SLC17A2: variants seen among roughly 807,000 people sequenced by gnomAD.
SLC17A2 encodes the protein sodium-dependent phosphate transport protein 3.
Under a neutral mutation model 52.1 loss-of-function variants are expected in SLC17A2, and 38 were observed. That is an observed-to-expected ratio of 0.73 (90% CI 0.56 to 0.96). The LOEUF (loss-of-function observed/expected upper bound fraction) is 0.96, where lower values mean the gene tolerates loss of function less well. SLC17A2 is among the 40% of genes least tolerant of loss of function. SLC17A2 has a pLI of 0.00. For missense variants in SLC17A2, 508 were observed against 583.9 expected (o/e 0.87, Z 1.34); for synonymous variants, 226 against 211.9 (o/e 1.07, Z -0.58).
intron 3 of SLC17A2, among the ~76,000 whole-genome samples, chr6:25,921,613 T>C (rs1766564013): frequency 6.6e-6 from 1 of 151,970 alleles, no homozygotes; most frequent in Non-Finnish European, 1.5e-5. Context: ...ACAGAAGAAA[T>C]GAAGAAAAGA....
At chr6:25,927,254 G>T (rs1158168818) in intron 1 of SLC17A2, among the ~76,000 whole-genome samples, 1 of 152,294 alleles carries the variant, frequency 6.6e-6, no homozygotes, top group Non-Finnish European at 1.5e-5. Flanking sequence ...ATCCTTTGTA[G>T]TATTACTCAT....
intron 5 of SLC17A2, among the ~76,000 whole-genome samples, chr6:25,920,145 G>A (rs1312510913): frequency 1.3e-5 from 2 of 152,190 alleles, no homozygotes; most frequent in African/African-American, 2.4e-5. Flanking sequence ...AGAGGAGATG[G>A]TTACAACTAT....
Position 25,928,365 on chromosome 6 carries a change from T to G in SLC17A2, c.-84+1912A>C, listed in dbSNP as rs116189410. On this transcript the variant is annotated intron_variant, in intron 1 of 11. Transcript: ENST00000377850. ...TTTATTCTAGAAGGAAGTTTGATAA[T>G]GAAAAATACTTTTAGGTTGAGCTTT... 2.6e-3 allele frequency among the ~76,000 whole-genome samples: 398 copies of G among 152,272 alleles called. 2 individuals carry two copies. Among genetic ancestry groups the G allele is most frequent in the East Asian group, 0.011 (56 of 5,182 alleles).
chr6:25,919,511 T>C (rs1766458756), intron 5 of SLC17A2, among the ~76,000 whole-genome samples: 1 of 151,314 alleles, frequency 6.6e-6, no homozygotes, highest in South Asian at 2.1e-4. Context: ...ATTGAGACCA[T>C]CCTGGCTTGA....
At chr6:25,921,890 T>A (rs931623602) in intron 3 of SLC17A2, among the ~76,000 whole-genome samples, 3 of 152,132 alleles carry the variant, frequency 2.0e-5, no homozygotes, top group Non-Finnish European at 2.9e-5. Flanking sequence ...AAAACACATA[T>A]TACAAATGAA....
intron 11 of SLC17A2, among the ~76,000 whole-genome samples, chr6:25,914,238 T>C (rs1766213792): frequency 6.6e-6 from 1 of 152,226 alleles, no homozygotes; most frequent in Admixed American, 6.5e-5. Flanking sequence ...TTCTTCATGA[T>C]CTTCTTTTGC....
chr6:25,913,098 C>A lies in SLC17A2; in HGVS notation c.*219G>T. 3.9e-6 allele frequency: 2 copies of A among 512,844 alleles called. No homozygotes were observed. Among genetic ancestry groups the A allele is most frequent in the Non-Finnish European group, 7.0e-6 (2 of 285,990 alleles). 31.8% of individuals were successfully genotyped at this position (512,844 alleles called of 1,614,324 possible). A position where few individuals can be genotyped will look rare whatever the true frequency, so the allele number is the denominator to read the frequency against. On this transcript the variant is annotated 3_prime_UTR_variant, in exon 12 of 12. Transcript: ENST00000377850. ...CATGCTAGAAACCTCTAAGGAGTAT[C>A]TAAAAATTAGTAGTATCTGGGTTCC... is the stretch of plus-strand genomic sequence containing the variant.
rs373357115 is a variant in SLC17A2 at position 25,925,823 on chromosome 6, G to C, written c.-27C>G. On this transcript the variant is annotated 5_prime_UTR_variant, in exon 2 of 12. Coordinates refer to ENST00000377850, the MANE Select transcript of SLC17A2 (RefSeq NM_001286123.3). ...TAGCTTCTGTGGGAAATGGTACCAC[G>C]CTTTGTGGTGGAGTTTCCCTGTGCC... The C allele has an allele frequency of 2.5e-6, 4 of 1,612,860 alleles. No homozygotes were observed. In the South Asian group the frequency reaches 4.4e-5, roughly 18 times the overall value.
intron 1 of SLC17A2, 70 bp from the exon 2 acceptor site, chr6:25,925,949 G>T: frequency 1.2e-6 from 1 of 811,578 alleles, no homozygotes; most frequent in Non-Finnish European, 2.1e-6. Flanking sequence ...CCTCCTCTTA[G>T]CATCAGTAAA....
chr6:25,918,937 A>G (rs1766432406), intron 5 of SLC17A2, among the ~76,000 whole-genome samples: 1 of 152,222 alleles, frequency 6.6e-6, no homozygotes, highest in Non-Finnish European at 1.5e-5. Flanking sequence ...TGAAAGACTT[A>G]CAAAAATCGG....
rs1410357171 is a variant in SLC17A2, at chr6:25,925,733, A to G, written c.28+36T>C. The G allele has an allele frequency of 3.8e-6, 6 of 1,598,264 alleles. No homozygotes were observed. The South Asian group carries it at 5.5e-5, about 15-fold the overall frequency. ...AATGTGTCGGAATAAGCTTCAGCTT[A>G]TTAACATAGCCTGCAAACAAGAGCA... On this transcript the variant is annotated intron_variant, in intron 2 of 11. Transcript: ENST00000377850.
At chr6:25,918,611 C>T in intron 5 of SLC17A2, 38 bp from the exon 6 acceptor site, 1 of 1,451,152 alleles carries the variant, frequency 6.9e-7, no homozygotes, top group Non-Finnish European at 9.7e-7. Context: ...ATGAAAATAT[C>T]AAAGGCTGAG....
In SLC17A2 at chr6:25,923,910, GACA is replaced by G. The variant is rs1289381949; in HGVS notation, c.29-7_29-5del. The G allele has an allele frequency of 1.2e-6, 2 of 1,612,502 alleles. No homozygotes were observed. Among genetic ancestry groups the G allele is most frequent in the Non-Finnish European group, 1.7e-6 (2 of 1,179,018 alleles). On this transcript the variant is annotated splice_region_variant and splice_polypyrimidine_tract_variant and intron_variant, in intron 2 of 11. Coordinates refer to ENST00000377850, the MANE Select transcript of SLC17A2 (RefSeq NM_001286123.3). ...CGTAATGAACAGAAATCTGGACCTA[GACA>G]ACAACACAGATGTATGTAGTGAGCA...
In SLC17A2 at chr6:25,925,933, A is replaced by T. The variant is rs116808141; in HGVS notation, c.-83-54T>A. The stretch of plus-strand genomic sequence containing the variant: ...ATACACAAATAATTTCCCCTTGTTA[A>T]TGTTGCCTCCTCTTAGCATCAGTAA... On this transcript the variant is annotated intron_variant, in intron 1 of 11. Transcript: ENST00000377850. 7.6e-4 allele frequency: 703 copies of T among 928,886 alleles called. 1 individual carries two copies. The African/African-American group carries it at 9.4e-3, about 12-fold the overall frequency. 57.5% of individuals were successfully genotyped at this position (928,886 alleles called of 1,614,324 possible). A position where few individuals can be genotyped will look rare whatever the true frequency, so the allele number is the denominator to read the frequency against.
Position 25,923,907 on chromosome 6 carries a change from C to T in SLC17A2, c.29-1G>A. 6.2e-7 allele frequency: 1 copy of T among 1,613,160 alleles called. No individual in the cohort carries two copies. Among genetic ancestry groups the T allele is most frequent in the Non-Finnish European group, 8.5e-7 (1 of 1,179,476 alleles). On this transcript the variant is annotated splice_acceptor_variant, in intron 2 of 11. Transcript: ENST00000377850. LOFTEE classifies it high-confidence loss of function. ...TAGCGTAATGAACAGAAATCTGGACCTAGACAACAACACAGATGTATGTAG... is the reference window on the plus strand; with the variant it reads ...TAGCGTAATGAACAGAAATCTGGACTTAGACAACAACACAGATGTATGTAG...
rs749697702 is a variant in SLC17A2 at position 25,915,149 on chromosome 6, G to GTGTATATATATATATATA, written c.1211+349_1211+350insTATATATATATATATACA. On this transcript the variant is annotated intron_variant, in intron 10 of 11. Transcript: ENST00000377850. ...GCACAGGAGCTGGCTTATTGTGACT[G>GTGTATATATATATATATA]TATATATATATATATATATATATAT... Among the ~76,000 whole-genome samples, 112 of 57,890 alleles carry GTGTATATATATATATATA rather than the reference G, an allele frequency of 1.9e-3. 3 individuals carry two copies. Among genetic ancestry groups the GTGTATATATATATATATA allele is most frequent in the Middle Eastern group, 8.1e-3 (1 of 124 alleles). The allele number at this position is 57,890 out of a possible 152,430, so 38.0% of individuals were successfully genotyped here.
At chr6:25,918,983 C>A (rs1766434565) in intron 5 of SLC17A2, among the ~76,000 whole-genome samples, 1 of 152,040 alleles carries the variant, frequency 6.6e-6, no homozygotes, top group Non-Finnish European at 1.5e-5. Flanking sequence ...AGCTTCTGGT[C>A]CAATTGGAGA....
chr6:25,916,088 T>G (rs992467660), intron 8 of SLC17A2, among the ~76,000 whole-genome samples: 1 of 152,130 alleles, frequency 6.6e-6, no homozygotes, highest in African/African-American at 2.4e-5. Flanking sequence ...TTTCTTGGGT[T>G]TTTTGTTTTT....
At chr6:25,918,883 A>C (rs187828764) in intron 5 of SLC17A2, among the ~76,000 whole-genome samples, 21 of 152,240 alleles carry the variant, frequency 1.4e-4, no homozygotes, top group African/African-American at 4.6e-4. Flanking sequence ...TTGTGATTAC[A>C]GTTGCATTCT....
Sources: gnomAD v4.1 joint callset for allele counts (sites outside exome capture counted in the v4.1 genomes callset) on GRCh38, gnomAD v4.1.1 for gene constraint, MANE v1.5 for transcripts, NCBI Gene and HGNC (gene_info 2026-07-23, HGNC 2026-07-21) for gene names.